The following BRINP1 variants were observed in gnomAD, a reference collection of about 807,000 sequenced individuals.
BRINP1 encodes the protein BMP/retinoic acid inducible neural specific 1.
BRINP1 carries 17 observed loss-of-function variants against 72.9 expected under a neutral mutation model. The observed-to-expected ratio is 0.23, with a 90% CI of 0.16 to 0.35. The LOEUF is 0.35. BRINP1 is among the 10% of genes least tolerant of loss of function. The pLI is 1.00. For synonymous variants in BRINP1, 418 were observed against 378.5 expected, an observed-to-expected ratio of 1.10 and a Z score of -1.21; for missense variants, 850 against 1,001.6, an observed-to-expected ratio of 0.85 and a Z score of 2.04.
chr9:119,208,917 C>T lies in BRINP1; in HGVS notation c.947G>A (p.Arg316His), dbSNP rs139886257. 83 of 1,613,928 alleles carry T rather than the reference C, an allele frequency of 5.1e-5. No individual in the cohort carries two copies. Among genetic ancestry groups the T allele is most frequent in the Non-Finnish European group, 6.6e-5 (78 of 1,179,966 alleles). Residue 316 changes from arginine to histidine, a missense_variant, in exon 7 of 8, where the codon CGC becomes CAC. Coordinates refer to ENST00000265922, the MANE Select transcript of BRINP1 (RefSeq NM_014618.3). ...GGTCAGGAAGTGGTTGCTGGGGAGG[C>T]GCTTCATAAATGATTTAAACTCATC... Reference protein sequence around the residue: ...NSDEFKSFMKRLPSNHFLTIG... With the variant: ...NSDEFKSFMKHLPSNHFLTIG...
chr9:119,319,570 C>A (rs149890119), intron 1 of BRINP1, among the ~76,000 whole-genome samples: 63 of 152,270 alleles, frequency 4.1e-4, no homozygotes, highest in Non-Finnish European at 8.8e-4. Flanking sequence ...GTGCTGGAGA[C>A]TCCAGATAAT....
chr9:119,275,907 C>T (rs1383476786), intron 2 of BRINP1, among the ~76,000 whole-genome samples: 1 of 152,108 alleles, frequency 6.6e-6, no homozygotes, highest in Non-Finnish European at 1.5e-5. Context: ...GCGAAATCCT[C>T]CCTCTGTCCT....
At chr9:119,209,530 G>C (rs1829898609) in intron 6 of BRINP1, among the ~76,000 whole-genome samples, 2 of 148,794 alleles carry the variant, frequency 1.3e-5, no homozygotes, top group African/African-American at 5.2e-5. Context: ...CTGCACCACT[G>C]CACTCCAGCC....
intron 2 of BRINP1, among the ~76,000 whole-genome samples, chr9:119,305,684 G>A (rs1324618): frequency 0.11 from 16,737 of 151,844 alleles, 1,194 homozygotes; most frequent in African/African-American, 0.19. Context: ...CCCCAACTTT[G>A]CCACCTCAAT....
chr9:119,218,973 T>A (rs1181510840), intron 5 of BRINP1, among the ~76,000 whole-genome samples: 1 of 152,066 alleles, frequency 6.6e-6, no homozygotes, highest in African/African-American at 2.4e-5. Flanking sequence ...TGAGGTCATG[T>A]GGGTGGTGCC....
At chr9:119,333,108 C>G (rs1831315645) in intron 1 of BRINP1, among the ~76,000 whole-genome samples, 2 of 151,262 alleles carry the variant, frequency 1.3e-5, no homozygotes, top group South Asian at 4.2e-4. Context: ...ACTCTGGTCC[C>G]CAAGCTATGT....
At position 119,355,723 on chromosome 9, in the gene BRINP1, C is replaced by T. The variant is rs375476942; in HGVS notation, c.-51+13333G>A. ...CAGCCTGGGCGACAGAGCAAGACTCCGTCTCAAAAAAAAAAAAAAAAAGAT... is the reference window on the plus strand; with the variant it reads ...CAGCCTGGGCGACAGAGCAAGACTCTGTCTCAAAAAAAAAAAAAAAAAGAT... On this transcript the variant is annotated intron_variant, in intron 1 of 7. Coordinates refer to ENST00000265922, the MANE Select transcript of BRINP1 (RefSeq NM_014618.3). Among the ~76,000 whole-genome samples, 899 of 138,886 alleles carry T rather than the reference C, an allele frequency of 6.5e-3. 7 individuals carry two copies. Among genetic ancestry groups the T allele is most frequent in the African/African-American group, 0.023 (832 of 35,824 alleles). 91.1% of individuals were successfully genotyped at this position (138,886 alleles called of 152,430 possible).
At chr9:119,360,407 T>C (rs1475872945) in intron 1 of BRINP1, among the ~76,000 whole-genome samples, 1 of 152,162 alleles carries the variant, frequency 6.6e-6, no homozygotes, top group South Asian at 2.1e-4. Context: ...CCCATCAAAT[T>C]CCATAAGAAA....
intron 2 of BRINP1, among the ~76,000 whole-genome samples, chr9:119,303,844 T>C (rs180761144): frequency 2.6e-5 from 4 of 152,020 alleles, no homozygotes; most frequent in Non-Finnish European, 5.9e-5. Context: ...CCTCAAACAT[T>C]TGCTCTATGC....
chr9:119,287,710 C>G (rs1389837528), intron 2 of BRINP1, among the ~76,000 whole-genome samples: 1 of 152,174 alleles, frequency 6.6e-6, no homozygotes, highest in Non-Finnish European at 1.5e-5. Context: ...AGGTAGCAGC[C>G]CTCACACAGA....
chr9:119,296,150 G>T (rs969707087), intron 2 of BRINP1, among the ~76,000 whole-genome samples: 12 of 152,122 alleles, frequency 7.9e-5, no homozygotes, highest in African/African-American at 2.7e-4. Flanking sequence ...CTAATGAGTG[G>T]TTAATTTTCA....
chr9:119,230,174 G>A (rs922739444), intron 5 of BRINP1, among the ~76,000 whole-genome samples: 7 of 152,086 alleles, frequency 4.6e-5, no homozygotes, highest in African/African-American at 1.2e-4. Context: ...GTAGTGAAAT[G>A]TAAGAAATGG....
chr9:119,308,020 G>A (rs535258748), intron 2 of BRINP1, among the ~76,000 whole-genome samples: 1 of 152,244 alleles, frequency 6.6e-6, no homozygotes, highest in Non-Finnish European at 1.5e-5. Flanking sequence ...CTACTGCACA[G>A]GATTATTGTA....
At chr9:119,325,796 G>A (rs1243754576) in intron 1 of BRINP1, among the ~76,000 whole-genome samples, 2 of 152,032 alleles carry the variant, frequency 1.3e-5, no homozygotes, top group African/African-American at 4.8e-5. Context: ...CCTTAGTCTT[G>A]CCTTCAACAA....
At chr9:119,272,104 A>C (rs1293867787) in intron 2 of BRINP1, among the ~76,000 whole-genome samples, 4 of 151,604 alleles carry the variant, frequency 2.6e-5, no homozygotes, top group Non-Finnish European at 4.4e-5. Flanking sequence ...AAAAAAAAAA[A>C]AAAACAGCCT....
In BRINP1 at chr9:119,245,892, C is replaced by CAATA. The variant is rs138222018; in HGVS notation, c.409+3067_409+3068insTATT. Among the ~76,000 whole-genome samples, 231 of 152,192 alleles carry CAATA rather than the reference C, an allele frequency of 1.5e-3. 4 individuals carry two copies. In the East Asian group the frequency reaches 0.044, roughly 29 times the overall value. ...CTTTATAGATAAAGAAATTTATATTCAGACAGAAAAGTGAGTTTCTCAGTG... is the reference window on the plus strand; with the variant it reads ...CTTTATAGATAAAGAAATTTATATTCAATAAGACAGAAAAGTGAGTTTCTCAGTG... On this transcript the variant is annotated intron_variant, in intron 3 of 7. Transcript: ENST00000265922.
At chr9:119,306,165 A>G (rs1830995731) in intron 2 of BRINP1, among the ~76,000 whole-genome samples, 1 of 152,254 alleles carries the variant, frequency 6.6e-6, no homozygotes, top group Admixed American at 6.5e-5. Context: ...TAGAAATTGT[A>G]GCTGACTATG....
chr9:119,340,757 A>C (rs900450171), intron 1 of BRINP1, among the ~76,000 whole-genome samples: 1 of 152,168 alleles, frequency 6.6e-6, no homozygotes. Flanking sequence ...CTTGTGATTC[A>C]TGTTCATTCC....
chr9:119,349,267 C>T (rs1831479803), intron 1 of BRINP1, among the ~76,000 whole-genome samples: 1 of 152,092 alleles, frequency 6.6e-6, no homozygotes, highest in Non-Finnish European at 1.5e-5. Flanking sequence ...TAGATACACA[C>T]AGGGGAACAC....
Sources: allele counts gnomAD v4.1 joint callset (sites outside exome capture counted in the v4.1 genomes callset), GRCh38; gene constraint gnomAD v4.1.1; transcripts MANE v1.5; gene names NCBI Gene and HGNC (gene_info 2026-07-23, HGNC 2026-07-21).